PALM2AKAP2: variants seen among roughly 807,000 people sequenced by gnomAD.
The protein encoded by PALM2AKAP2 is PALM2-AKAP2 fusion protein.
Under a neutral mutation model 71.5 loss-of-function variants are expected in PALM2AKAP2, and 37 were observed. The ratio of observed to expected loss-of-function variants is 0.52; its 90% CI spans 0.40 to 0.68. The LOEUF (loss-of-function observed/expected upper bound fraction) is 0.68. Among genes scored for constraint, PALM2AKAP2 ranks in the 30% least tolerant of loss-of-function variants. The pLI is 0.00. For missense variants in PALM2AKAP2, 1,224 were observed against 1,191.8 expected, an observed-to-expected ratio of 1.03 and a Z score of -0.40; for synonymous variants, 468 against 478.8, an observed-to-expected ratio of 0.98 and a Z score of 0.29.
chr9:109,941,145 C>CTTTTTTTTTT (rs34635858), intron 6 of PALM2AKAP2, among the ~76,000 whole-genome samples: 1 of 106,282 alleles, frequency 9.4e-6, no homozygotes. Flanking sequence ...TCTTCCTCTT[C>CTTTTTTTTTT]TTTTTTTTTT....
intron 6 of PALM2AKAP2, among the ~76,000 whole-genome samples, chr9:109,988,325 A>G (rs372755112): frequency 2.6e-5 from 4 of 152,208 alleles, no homozygotes; most frequent in African/African-American, 9.6e-5. Context: ...TGTTTTACCT[A>G]CACTGAATTT....
intron 2 of PALM2AKAP2, among the ~76,000 whole-genome samples, chr9:110,140,102 C>G (rs551142852): frequency 1.4e-4 from 22 of 152,244 alleles, no homozygotes; most frequent in African/African-American, 5.1e-4. Flanking sequence ...CTGTGGTATT[C>G]TGCAATTTTC....
At chr9:110,104,180 T>C (rs1033508231) in intron 1 of PALM2AKAP2, among the ~76,000 whole-genome samples, 18 of 14,546 alleles carry the variant, frequency 1.2e-3, no homozygotes, top group South Asian at 5.3e-3. Context: ...CTGCTTTTTT[T>C]TGGGGGGGCG....
Position 109,924,269 on chromosome 9 carries a change from G to C in PALM2AKAP2, c.372+420G>C, listed in dbSNP as rs551215051. Among the ~76,000 whole-genome samples, 44 of 152,318 alleles carry C rather than the reference G, an allele frequency of 2.9e-4. 1 individual carries two copies. The South Asian group carries it at 9.1e-3, about 32-fold the overall frequency. ...AAGGCCAGAAGCAACACCTTATGAA[G>C]TGGACAAGAATTCCAAATACAAAGA... On this transcript the variant is annotated intron_variant, in intron 4 of 9. Coordinates refer to the PALM2AKAP2 transcript ENST00000302798.
chr9:109,753,202 G>A (rs1828910456), intron 1 of PALM2AKAP2, among the ~76,000 whole-genome samples: 1 of 152,142 alleles, frequency 6.6e-6, no homozygotes, highest in Non-Finnish European at 1.5e-5. Context: ...CTTAAAGCCA[G>A]AGAGGAGAAA....
At chr9:110,123,912 T>C (rs761159009) in intron 1 of PALM2AKAP2, among the ~76,000 whole-genome samples, 30 of 152,204 alleles carry the variant, frequency 2.0e-4, no homozygotes, top group Non-Finnish European at 4.0e-4. Context: ...CTCATTTTAC[T>C]TCAGATGACT....
intron 1 of PALM2AKAP2, among the ~76,000 whole-genome samples, chr9:109,756,524 A>T (rs1312264163): frequency 1.3e-5 from 2 of 152,088 alleles, no homozygotes; most frequent in Non-Finnish European, 2.9e-5. Flanking sequence ...GGCCAATTTT[A>T]TCAGTTTGTT....
chr9:110,158,145 T>C (rs775659059), intron 3 of PALM2AKAP2, among the ~76,000 whole-genome samples: 16 of 152,126 alleles, frequency 1.1e-4, no homozygotes, highest in Non-Finnish European at 1.8e-4. Context: ...GCCTGCAGGA[T>C]TTTTCCCTGG....
chr9:109,702,534 T>C (rs1218798026), intron 1 of PALM2AKAP2, among the ~76,000 whole-genome samples: 1 of 151,002 alleles, frequency 6.6e-6, no homozygotes, highest in Non-Finnish European at 1.5e-5. Context: ...TAGGTGGGAA[T>C]TGAACAATGA....
At chr9:110,078,638 G>T (rs1265155917) in intron 1 of PALM2AKAP2, among the ~76,000 whole-genome samples, 1 of 152,078 alleles carries the variant, frequency 6.6e-6, no homozygotes. Flanking sequence ...TTGCACTGAG[G>T]GTAATTTCCA....
intron 1 of PALM2AKAP2, among the ~76,000 whole-genome samples, chr9:109,692,926 C>T (rs1000940873): frequency 6.6e-6 from 1 of 151,224 alleles, no homozygotes; most frequent in Non-Finnish European, 1.5e-5. Context: ...TCTCTCTTTT[C>T]TCTCCTTCCT....
chr9:110,020,744 T>C (rs903108957), intron 7 of PALM2AKAP2, among the ~76,000 whole-genome samples: 4 of 152,050 alleles, frequency 2.6e-5, no homozygotes, highest in African/African-American at 9.7e-5. Flanking sequence ...GGTAACTCTT[T>C]ACAGCAGTGT....
At chr9:109,996,299 G>C (rs1832574240) in intron 6 of PALM2AKAP2, among the ~76,000 whole-genome samples, 3 of 152,210 alleles carry the variant, frequency 2.0e-5, no homozygotes, top group African/African-American at 7.2e-5. Context: ...GACCTGGAAA[G>C]GGGCCCCACT....
chr9:109,682,293 A>T (rs1197533888), intron 1 of PALM2AKAP2, among the ~76,000 whole-genome samples: 1 of 152,204 alleles, frequency 6.6e-6, no homozygotes, highest in East Asian at 1.9e-4. Context: ...TTCTCAGAAT[A>T]TATTCTGTTT....
At chr9:110,155,739 A>G (rs1836436628) in intron 2 of PALM2AKAP2, among the ~76,000 whole-genome samples, 3 of 152,326 alleles carry the variant, frequency 2.0e-5, no homozygotes, top group East Asian at 3.9e-4. Flanking sequence ...GCAAACTGAG[A>G]AGAACAAACT....
At chr9:109,749,595 G>T (rs1473035285) in intron 1 of PALM2AKAP2, among the ~76,000 whole-genome samples, 1 of 150,730 alleles carries the variant, frequency 6.6e-6, no homozygotes, top group Admixed American at 6.6e-5. Context: ...GGAATTGAGA[G>T]TTGTAAGCAC....
At chr9:110,151,524 A>G (rs1183930000) in intron 2 of PALM2AKAP2, among the ~76,000 whole-genome samples, 2 of 152,196 alleles carry the variant, frequency 1.3e-5, no homozygotes, top group Admixed American at 1.3e-4. Context: ...TTTAACCCAG[A>G]GTTTCCCAAG....
chr9:110,051,758 T>C (rs989944090), intron 1 of PALM2AKAP2, among the ~76,000 whole-genome samples: 1 of 152,202 alleles, frequency 6.6e-6, no homozygotes, highest in African/African-American at 2.4e-5. Flanking sequence ...GCTTTTGGAA[T>C]GATTGTTTTT....
At chr9:109,947,032 G>T (rs1448253759) in intron 6 of PALM2AKAP2, among the ~76,000 whole-genome samples, 1 of 152,234 alleles carries the variant, frequency 6.6e-6, no homozygotes, top group African/African-American at 2.4e-5. Context: ...TGATTTGACA[G>T]TGTTCAGTGA....
Sources: allele counts gnomAD v4.1 joint callset (sites outside exome capture counted in the v4.1 genomes callset), GRCh38; gene constraint gnomAD v4.1.1; transcripts MANE v1.5; gene names NCBI Gene and HGNC (gene_info 2026-07-23, HGNC 2026-07-21).